STYXL2: variants seen among roughly 807,000 people sequenced by gnomAD.
STYXL2 encodes the protein serine/threonine/tyrosine-interacting-like protein 2.
In STYXL2, 44 loss-of-function variants were observed where a neutral mutation model predicts 52.4. The observed-to-expected ratio is 0.84, with a 90% CI of 0.66 to 1.08. The LOEUF (loss-of-function observed/expected upper bound fraction) is 1.08. STYXL2 is among the 50% of genes least tolerant of loss of function. The pLI is 0.00. For synonymous variants in STYXL2, 604 were observed against 586.9 expected (o/e 1.03, Z -0.42); for missense variants, 1,604 against 1,471.7 (o/e 1.09, Z -1.47).
At chr1:167,102,364 G>T (rs1379784633) in intron 2 of STYXL2, among the ~76,000 whole-genome samples, 2 of 151,940 alleles carry the variant, frequency 1.3e-5, no homozygotes, top group East Asian at 3.9e-4. Flanking sequence ...TGATACTGTG[G>T]AAAGAAATTA....
chr1:167,105,765 C>T (rs1667495568), intron 2 of STYXL2, among the ~76,000 whole-genome samples: 1 of 152,220 alleles, frequency 6.6e-6, no homozygotes, highest in East Asian at 1.9e-4. Flanking sequence ...CTCATGGCGG[C>T]TGACTCGTAA....
chr1:167,127,519 G>C lies in STYXL2; in HGVS notation c.2388G>C (p.Gln796His), dbSNP rs755651147. The change falls in exon 6 of 6, where the codon CAG becomes CAC. Residue 796 changes from glutamine to histidine, a missense_variant. Transcript: ENST00000361200. ...AGGCAAGACCCAGCTCTGACATGCA[G>C]TCTGTGCTGTCCTGCAACACCACAC... ...QSQARPSSDMQSVLSCNTTLS... is the reference protein window; with the variant it reads ...QSQARPSSDMHSVLSCNTTLS... 2.5e-6 allele frequency: 4 copies of C among 1,614,130 alleles called. No individual in the cohort carries two copies. Among genetic ancestry groups the C allele is most frequent in the Non-Finnish European group, 8.5e-7 (1 of 1,180,014 alleles).
At chr1:167,102,883 C>T (rs1387049422) in intron 2 of STYXL2, among the ~76,000 whole-genome samples, 3 of 152,186 alleles carry the variant, frequency 2.0e-5, no homozygotes, top group East Asian at 1.9e-4. Context: ...TACCTCACCA[C>T]CGGACTCTTA....
rs752563874 is a variant in STYXL2, at chr1:167,128,134, A to T, written c.3003A>T (p.Val1001=). 7.4e-6 allele frequency: 12 copies of T among 1,614,092 alleles called. No individual in the cohort carries two copies. The highest frequency in any genetic ancestry group is 3.3e-5 in the Admixed American group (2 of 60,006). ...SSYHEANGNS[V]RSTSRFSSSS... is the part of the protein sequence containing the mutation. The stretch of plus-strand genomic sequence containing the variant: ...ACCACGAGGCAAATGGCAACTCTGT[A>T]AGAAGCACTTCACGGTTCTCATCTT... Residue 1001 remains valine, a synonymous_variant, in exon 6 of 6, where the codon GTA becomes GTT. Coordinates refer to ENST00000361200, the MANE Select transcript of STYXL2 (RefSeq NM_001080426.3).
intron 5 of STYXL2, among the ~76,000 whole-genome samples, chr1:167,119,812 G>C (rs1030950752): frequency 6.6e-6 from 1 of 152,204 alleles, no homozygotes; most frequent in Non-Finnish European, 1.5e-5. Flanking sequence ...CAATGTGCTA[G>C]AGTGACTGAC....
Position 167,126,769 on chromosome 1 carries a change from A to G in STYXL2, c.1638A>G (p.Arg546=), listed in dbSNP as rs748560873. 2.7e-5 allele frequency: 43 copies of G among 1,614,094 alleles called. No homozygotes were observed. Among genetic ancestry groups the G allele is most frequent in the Non-Finnish European group, 3.6e-5 (42 of 1,180,044 alleles). The change falls in exon 6 of 6, where the codon AGA becomes AGG. Residue 546 remains arginine (R), a synonymous_variant. Transcript: ENST00000361200. ...AGGACAAGCTCACTGCCCTGGAAAG[A>G]TGGAAGATCAAGAGAATCCAATTTG... is the stretch of plus-strand genomic sequence containing the variant. ...RNKDKLTALE[R]WKIKRIQFGF... is the part of the protein sequence containing the mutation.
At chr1:167,112,503 G>A (rs1367409563) in intron 2 of STYXL2, among the ~76,000 whole-genome samples, 1 of 152,224 alleles carries the variant, frequency 6.6e-6, no homozygotes, top group Non-Finnish European at 1.5e-5. Context: ...TTCATCTGAT[G>A]CATGCATCTA....
At chr1:167,096,410 T>G (rs976346243) in intron 2 of STYXL2, among the ~76,000 whole-genome samples, 1 of 152,168 alleles carries the variant, frequency 6.6e-6, no homozygotes, top group Non-Finnish European at 1.5e-5. Context: ...TTTCGTGTAT[T>G]GCTAAGAGTA....
chr1:167,112,832 T>C (rs1047719909), intron 2 of STYXL2, among the ~76,000 whole-genome samples: 1 of 152,198 alleles, frequency 6.6e-6, no homozygotes, highest in African/African-American at 2.4e-5. Context: ...CACTCACAAA[T>C]GGTATCCATT....
At chr1:167,094,781 C>G (rs946134297) in intron 1 of STYXL2, 53 bp from the exon 2 acceptor site, 1 of 1,323,156 alleles carries the variant, frequency 7.6e-7, no homozygotes, top group Non-Finnish European at 1.1e-6. Flanking sequence ...TCTCCCCCAA[C>G]AAAACCTCAG....
At position 167,128,492 on chromosome 1, in the gene STYXL2, C is replaced by G; in HGVS notation, c.3361C>G (p.Arg1121Gly). 1 of 1,613,868 alleles carries G rather than the reference C, an allele frequency of 6.2e-7. No individual in the cohort carries two copies. Among genetic ancestry groups the G allele is most frequent in the Non-Finnish European group, 8.5e-7 (1 of 1,179,926 alleles). The change falls in exon 6 of 6, where the codon CGG becomes GGG. Residue 1121 changes from arginine to glycine, a missense_variant. Transcript: ENST00000361200. ...RFASGRRSQYRRSTDREEEEE... is the reference protein window; with the variant it reads ...RFASGRRSQYGRSTDREEEEE... ...TGCATCTGGACGGCGGTCCCAGTATCGGAGAAGCACTGACAGGGAGGAAGA... is the reference window on the plus strand; with the variant it reads ...TGCATCTGGACGGCGGTCCCAGTATGGGAGAAGCACTGACAGGGAGGAAGA...
intron 2 of STYXL2, among the ~76,000 whole-genome samples, chr1:167,109,987 C>T (rs531833220): frequency 6.6e-5 from 10 of 152,338 alleles, no homozygotes; most frequent in African/African-American, 2.4e-4. Flanking sequence ...CCTACTACCT[C>T]CACTGGAGCA....
At chr1:167,103,332 GCCCTATATCCAGC>G (rs1195759746) in intron 2 of STYXL2, among the ~76,000 whole-genome samples, 1 of 152,078 alleles carries the variant, frequency 6.6e-6, no homozygotes, top group East Asian at 1.9e-4. Context: ...ACTCACTACA[GCCCTATATCCAGC>G]CCCTAGGAAA....
intron 2 of STYXL2, among the ~76,000 whole-genome samples, chr1:167,098,223 C>A (rs1020386594): frequency 6.6e-6 from 1 of 151,854 alleles, no homozygotes; most frequent in Non-Finnish European, 1.5e-5. Flanking sequence ...TGTTGGTCAG[C>A]ATTGTCTCGA....
intron 2 of STYXL2, among the ~76,000 whole-genome samples, chr1:167,111,754 G>C (rs1290103780): frequency 1.3e-5 from 2 of 151,772 alleles, no homozygotes; most frequent in African/African-American, 4.8e-5. Context: ...GGGAAGGATG[G>C]GAGGGGGTGA....
chr1:167,119,552 C>T (rs1457668789), intron 5 of STYXL2, 86 bp downstream of exon 5: 11 of 1,160,940 alleles, frequency 9.5e-6, no homozygotes, highest in South Asian at 5.4e-5. Flanking sequence ...GATTAGTTGG[C>T]GTGTGTGAGG....
At chr1:167,095,706 A>C (rs1198504536) in intron 2 of STYXL2, among the ~76,000 whole-genome samples, 1 of 152,240 alleles carries the variant, frequency 6.6e-6, no homozygotes, top group East Asian at 1.9e-4. Flanking sequence ...ATAAATCATA[A>C]CAGGAGACCT....
At chr1:167,095,888 G>T (rs1667276145) in intron 2 of STYXL2, among the ~76,000 whole-genome samples, 1 of 152,130 alleles carries the variant, frequency 6.6e-6, no homozygotes, top group Non-Finnish European at 1.5e-5. Context: ...GCTGGCTCCT[G>T]CTTCCTGTGT....
Position 167,126,900 on chromosome 1 carries a change from A to C in STYXL2, c.1769A>C (p.Gln590Pro), listed in dbSNP as rs768511723. The C allele has an allele frequency of 6.2e-7, 1 of 1,612,008 alleles. No homozygotes were observed. The highest frequency in any genetic ancestry group is 1.3e-5 in the African/African-American group (1 of 74,924). Residue 590 changes from glutamine (Q) to proline (P), a missense_variant, in exon 6 of 6, where the codon CAG becomes CCG. Physicochemically the swap from Gln to Pro is moderately conservative, Grantham distance 76. Transcript: ENST00000361200. ...TCCGACGTCAGCCTGACAGCCTACC[A>C]GGCCTGGAAGCTGAAACACCAGAAG... is the stretch of plus-strand genomic sequence containing the variant. Reference protein sequence around the residue: ...NPSDVSLTAYQAWKLKHQKKV... With the variant: ...NPSDVSLTAYPAWKLKHQKKV...
Sources: allele counts gnomAD v4.1 joint callset (sites outside exome capture counted in the v4.1 genomes callset), GRCh38; gene constraint gnomAD v4.1.1; transcripts MANE v1.5; gene names NCBI Gene and HGNC (gene_info 2026-07-23, HGNC 2026-07-21).